The following CCDC88C variants were observed in gnomAD, a reference collection of about 807,000 sequenced individuals.
CCDC88C encodes the protein coiled-coil and HOOK domain protein 88C.
A neutral mutation model predicts 198.8 loss-of-function variants in CCDC88C; 131 were observed. That is an observed-to-expected ratio of 0.66 (90% confidence interval 0.57 to 0.76). CCDC88C has a LOEUF of 0.76. Ranked by LOEUF, CCDC88C falls within the 30% of genes least tolerant of loss-of-function variation. CCDC88C has a pLI of 0.00. For synonymous variants in CCDC88C, 1,166 were observed against 1,114.7 expected, an observed-to-expected ratio of 1.05 and a Z score of -0.92; for missense variants, 2,553 against 2,631.6, an observed-to-expected ratio of 0.97 and a Z score of 0.65.
intron 3 of CCDC88C, among the ~76,000 whole-genome samples, chr14:91,392,854 C>CTACAT (rs1192039415): frequency 4.6e-5 from 7 of 152,012 alleles, no homozygotes; most frequent in African/African-American, 1.5e-4. Flanking sequence ...AGTCCCCGCC[C>CTACAT]TGAGTGAGTC....
In CCDC88C at chr14:91,278,227, G is replaced by A; in HGVS notation, c.4769-16C>T. 2 of 1,577,632 alleles carry A rather than the reference G, an allele frequency of 1.3e-6. No homozygotes were observed. Among genetic ancestry groups the A allele is most frequent in the Non-Finnish European group, 1.7e-6 (2 of 1,158,100 alleles). On this transcript the variant is annotated splice_polypyrimidine_tract_variant and intron_variant, in intron 28 of 29. Transcript: ENST00000389857. ...TCGGAGGAGCCTGGGTGTCAGGGCA[G>A]GAGACAGAGGACCCTCATCAGTCTT...
intron 3 of CCDC88C, among the ~76,000 whole-genome samples, chr14:91,393,656 C>T (rs1885661446): frequency 6.6e-6 from 1 of 152,208 alleles, no homozygotes; most frequent in South Asian, 2.1e-4. Context: ...ATTCAACTTC[C>T]CAGCCTGTCC....
At chr14:91,375,272 TGC>T (rs149000259) in intron 3 of CCDC88C, among the ~76,000 whole-genome samples, 267 of 152,122 alleles carry the variant, frequency 1.8e-3, no homozygotes, top group African/African-American at 6.1e-3. Flanking sequence ...TGTGTGTGTG[TGC>T]GCGCGCGCAT....
At chr14:91,363,932 C>T (rs555532841) in intron 3 of CCDC88C, among the ~76,000 whole-genome samples, 10 of 152,384 alleles carry the variant, frequency 6.6e-5, no homozygotes, top group African/African-American at 2.4e-4. Context: ...CACTTGGAGG[C>T]TGCAGCTGAT....
chr14:91,323,208 G>C (rs1892431773), intron 12 of CCDC88C, among the ~76,000 whole-genome samples: 1 of 152,120 alleles, frequency 6.6e-6, no homozygotes. Context: ...GCCCGGCCCA[G>C]TGTTTCTTTA....
chr14:91,315,957 T>TA, intron 13 of CCDC88C, 170 bp from the exon 14 acceptor site: 1 of 641,522 alleles, frequency 1.6e-6, no homozygotes, highest in Non-Finnish European at 2.6e-6. Context: ...CTGTCACTCT[T>TA]AAGACAGAAA....
intron 3 of CCDC88C, among the ~76,000 whole-genome samples, chr14:91,362,241 A>T (rs1894339075): frequency 6.6e-6 from 1 of 151,792 alleles, no homozygotes; most frequent in African/African-American, 2.4e-5. Context: ...CTCAAAAAAA[A>T]AAAAAAGAAA....
At position 91,339,141 on chromosome 14, in the gene CCDC88C, G is replaced by T; in HGVS notation, c.809+137C>A. ...CAGCTAGTCCGAGGTCAAAGAGTAA[G>T]CTCAGGGCAGACCCCAGCTGACTCC... is the stretch of plus-strand genomic sequence containing the variant. On this transcript the variant is annotated intron_variant, in intron 8 of 29. Coordinates refer to ENST00000389857, the MANE Select transcript of CCDC88C (RefSeq NM_001080414.4). The surrounding 1 kb of genome is among the most constrained non-coding windows in gnomAD (Gnocchi z 5.8). 1.9e-6 allele frequency: 2 copies of T among 1,030,374 alleles called. No individual in the cohort carries two copies. Among genetic ancestry groups the T allele is most frequent in the Non-Finnish European group, 2.9e-6 (2 of 680,556 alleles). The allele number at this position is 1,030,374 out of a possible 1,614,324, so 63.8% of individuals were successfully genotyped here. A position where few individuals can be genotyped will look rare whatever the true frequency, so the allele number is the denominator to read the frequency against.
At chr14:91,317,666 G>A (rs1005908779) in intron 13 of CCDC88C, among the ~76,000 whole-genome samples, 1 of 152,236 alleles carries the variant, frequency 6.6e-6, no homozygotes, top group Non-Finnish European at 1.5e-5. Flanking sequence ...AGAGCTCCAG[G>A]CTTCAGACAC....
Position 91,337,994 on chromosome 14 carries a change from A to G in CCDC88C, c.1050+11T>C, listed in dbSNP as rs777523020. 7.5e-6 allele frequency: 12 copies of G among 1,609,000 alleles called. No homozygotes were observed. Among genetic ancestry groups the G allele is most frequent in the Non-Finnish European group, 6.8e-6 (8 of 1,179,842 alleles). ...AGCCCCATCCAGGGGCCTCACAGCAAGGCTCCCTACCTCCATGCGGGCCTT... is the reference window on the plus strand; with the variant it reads ...AGCCCCATCCAGGGGCCTCACAGCAGGGCTCCCTACCTCCATGCGGGCCTT... On this transcript the variant is annotated intron_variant, in intron 10 of 29. Coordinates refer to ENST00000389857, the MANE Select transcript of CCDC88C (RefSeq NM_001080414.4).
intron 3 of CCDC88C, among the ~76,000 whole-genome samples, chr14:91,372,226 G>C (rs1894838581): frequency 6.6e-6 from 1 of 150,734 alleles, no homozygotes; most frequent in Non-Finnish European, 1.5e-5. Context: ...AGCCAAGACT[G>C]CTACCCTCAA....
intron 3 of CCDC88C, among the ~76,000 whole-genome samples, chr14:91,362,191 A>G (rs8013702): frequency 0.37 from 55,678 of 150,802 alleles, 10,512 homozygotes; most frequent in Non-Finnish European, 0.41. Flanking sequence ...CCGAGATCGC[A>G]CCACTGCACT....
At chr14:91,319,739 T>C in intron 13 of CCDC88C, among the ~76,000 whole-genome samples, 1 of 152,150 alleles carries the variant, frequency 6.6e-6, no homozygotes, top group Non-Finnish European at 1.5e-5. Flanking sequence ...GAAATGTGTG[T>C]CTGGGGCCGG....
At chr14:91,375,240 G>A (rs924381257) in intron 3 of CCDC88C, among the ~76,000 whole-genome samples, 10 of 152,152 alleles carry the variant, frequency 6.6e-5, no homozygotes, top group Non-Finnish European at 1.2e-4. Flanking sequence ...CAGGCCCCAG[G>A]GTTAGCATGC....
chr14:91,319,372 AG>A (rs1892248626), intron 13 of CCDC88C, among the ~76,000 whole-genome samples: 1 of 152,246 alleles, frequency 6.6e-6, no homozygotes, highest in East Asian at 1.9e-4. Context: ...CTCTGCTCCC[AG>A]GAAGACCTAA....
At chr14:91,310,044 A>G in intron 15 of CCDC88C, 58 bp from the exon 16 acceptor site, 2 of 1,495,070 alleles carry the variant, frequency 1.3e-6, no homozygotes, top group South Asian at 1.2e-5. Flanking sequence ...CAGGAAGGCC[A>G]GGCGCCAGTC....
At chr14:91,342,319 C>T in intron 6 of CCDC88C, 61 bp downstream of exon 6, 2 of 1,075,392 alleles carry the variant, frequency 1.9e-6, no homozygotes, top group Non-Finnish European at 2.8e-6. Flanking sequence ...GAAGTTTTGC[C>T]TCCCGGCCAC....
chr14:91,316,839 C>T (rs930122819), intron 13 of CCDC88C, among the ~76,000 whole-genome samples: 2 of 152,210 alleles, frequency 1.3e-5, no homozygotes, highest in Non-Finnish European at 2.9e-5. Context: ...GGTCCATCCC[C>T]GAAGAAGACC....
In CCDC88C at chr14:91,288,119, C is replaced by T. The variant is rs1890494052; in HGVS notation, c.4441+986G>A. Among the ~76,000 whole-genome samples, 1 of 152,200 alleles carries T rather than the reference C, an allele frequency of 6.6e-6. No individual in the cohort carries two copies. ...AAAATCGAATTCTTATTTAGAAAAGCTCTTTCAACAAGAGCGTAAGAAAAA... is the reference window on the plus strand; with the variant it reads ...AAAATCGAATTCTTATTTAGAAAAGTTCTTTCAACAAGAGCGTAAGAAAAA... On this transcript the variant is annotated intron_variant, in intron 25 of 29. Transcript: ENST00000389857. This position sits in a 1 kb window ranked among gnomAD's most constrained non-coding sequence, Gnocchi z 4.2.
Sources: allele counts gnomAD v4.1 joint callset (sites outside exome capture counted in the v4.1 genomes callset), GRCh38; gene constraint gnomAD v4.1.1; non-coding constraint Gnocchi (gnomAD v3.1); transcripts MANE v1.5; gene names NCBI Gene and HGNC (gene_info 2026-07-23, HGNC 2026-07-21).